The following IFNGR1 variants were observed in gnomAD, a reference collection of about 807,000 sequenced individuals.
IFNGR1 encodes the protein interferon gamma receptor 1.
IFNGR1 carries 23 observed loss-of-function variants against 35.4 expected under a neutral mutation model. That is an observed-to-expected ratio of 0.65 (90% CI 0.47 to 0.92). IFNGR1 has a LOEUF of 0.92. Ranked by LOEUF, IFNGR1 falls within the 40% of genes least tolerant of loss-of-function variation. The pLI, the probability that IFNGR1 is intolerant of heterozygous loss-of-function variation, is 0.00. For synonymous variants in IFNGR1, 199 were observed against 209.5 expected (o/e 0.95, Z 0.43); for missense variants, 533 against 583.4 (o/e 0.91, Z 0.89).
At chr6:137,199,396 T>TATATAATTTATAATATATTATATAAAC (rs1562283087) in intron 6 of IFNGR1, among the ~76,000 whole-genome samples, 1 of 124,630 alleles carries the variant, frequency 8.0e-6, no homozygotes, top group Non-Finnish European at 1.6e-5. Context: ...TTACATAAAA[T>TATATAATTTATAATATATTATATAAAC]ATATAATTTA....
chr6:137,207,806 C>A (rs1164372788), intron 1 of IFNGR1, among the ~76,000 whole-genome samples: 1 of 152,110 alleles, frequency 6.6e-6, no homozygotes, highest in African/African-American at 2.4e-5. Flanking sequence ...AGGACTAATA[C>A]AGTAAATTGG....
intron 1 of IFNGR1, among the ~76,000 whole-genome samples, chr6:137,215,650 G>A (rs1779677571): frequency 6.6e-6 from 1 of 152,068 alleles, no homozygotes; most frequent in African/African-American, 2.4e-5. Flanking sequence ...GCCAAATTTT[G>A]TAAGATAGCT....
chr6:137,210,253 G>C (rs888283389), intron 1 of IFNGR1, among the ~76,000 whole-genome samples: 2 of 151,816 alleles, frequency 1.3e-5, no homozygotes, highest in African/African-American at 4.8e-5. Flanking sequence ...GAGCCCAGGA[G>C]GTCAAGGCTG....
At chr6:137,204,971 T>C (rs550533102) in intron 3 of IFNGR1, among the ~76,000 whole-genome samples, 2 of 152,334 alleles carry the variant, frequency 1.3e-5, no homozygotes, top group African/African-American at 4.8e-5. Flanking sequence ...ATTTATTAGG[T>C]CTTTGATGTT....
chr6:137,204,576 C>T, intron 3 of IFNGR1, 72 bp from the exon 4 acceptor site: 2 of 1,215,246 alleles, frequency 1.6e-6, no homozygotes, highest in Non-Finnish European at 2.4e-6. Flanking sequence ...ATAAAATTAC[C>T]AGAATCTATC....
In IFNGR1 at chr6:137,219,168, G is replaced by T. The variant is rs1298664446; in HGVS notation, c.85+75C>A. ...GGGCGACCTCGGAGAAGCGGGGCGG[G>T]GCTTCCCGGCTGGGGCGGATCCCTC... On this transcript the variant is annotated intron_variant, in intron 1 of 6. Coordinates refer to ENST00000367739, the MANE Select transcript of IFNGR1 (RefSeq NM_000416.3). 2.0e-6 allele frequency: 3 copies of T among 1,534,698 alleles called. No individual in the cohort carries two copies. In the Admixed American group the frequency reaches 5.9e-5, roughly 30 times the overall value.
Position 137,198,592 on chromosome 6 carries a change from T to C in IFNGR1, c.909A>G (p.Lys303=), listed in dbSNP as rs1582627660. ...SATLETKPES[K]YVSLITSYQP... is the part of the protein sequence containing the mutation. ...GGTATGACGTGATGAGTGATACATA[T>C]TTTGATTCAGGTTTTGTCTCTAAAG... Residue 303 remains lysine (K), a synonymous_variant, in exon 7 of 7, where the codon AAA becomes AAG. Transcript: ENST00000367739. The C allele has an allele frequency of 6.2e-7, 1 of 1,613,808 alleles. No homozygotes were observed. The highest frequency in any genetic ancestry group is 8.5e-7 in the Non-Finnish European group (1 of 1,179,930).
rs1314592282 is a variant in IFNGR1 at position 137,206,971 on chromosome 6, C to A, written c.192G>T (p.Lys64Asn). The change falls in exon 2 of 7, where the codon AAG becomes AAT. Residue 64 changes from lysine to asparagine, a missense_variant. By Grantham distance (94) the Lys-to-Asn change is moderately conservative. Coordinates refer to ENST00000367739, the MANE Select transcript of IFNGR1 (RefSeq NM_000416.3). ...AAAAGAGTGACACTCACCCATAGTT[C>A]TTTACCTCTACGGTAAAAACAGGGA... ...PQVPVFTVEV[K>N]NYGVKNSEWI... 1 of 1,602,042 alleles carries A rather than the reference C, an allele frequency of 6.2e-7. No individual in the cohort carries two copies. Among genetic ancestry groups the A allele is most frequent in the Non-Finnish European group, 8.6e-7 (1 of 1,169,046 alleles).
In IFNGR1 at chr6:137,203,982, T is replaced by A. The variant is rs570300609; in HGVS notation, c.547-297A>T. Among the ~76,000 whole-genome samples, 4 of 152,270 alleles carry A rather than the reference T, an allele frequency of 2.6e-5. No individual in the cohort carries two copies. The South Asian group carries it at 8.3e-4, about 32-fold the overall frequency. ...TTGTCCTATTCATTTGTCCAGAAAT[T>A]TAGCTGGTGGGAAACAGAAGTATTA... On this transcript the variant is annotated intron_variant, in intron 4 of 6. Transcript: ENST00000367739.
Position 137,205,633 on chromosome 6 carries a change from G to A in IFNGR1, c.373+503C>T, listed in dbSNP as rs138050528. Among the ~76,000 whole-genome samples the A allele has an allele frequency of 2.1e-3, 327 of 152,272 alleles. 2 individuals carry two copies. The highest frequency in any genetic ancestry group is 6.9e-3 in the African/African-American group (288 of 41,558). Reference sequence around the variant, plus strand: ...CTTACAAATGAATGACAAAAGATGGGAAGGGCAAGGGTGGTGCAGGGGACC... The same window carrying A: ...CTTACAAATGAATGACAAAAGATGGAAAGGGCAAGGGTGGTGCAGGGGACC... On this transcript the variant is annotated intron_variant, in intron 3 of 6. Coordinates refer to ENST00000367739, the MANE Select transcript of IFNGR1 (RefSeq NM_000416.3).
At position 137,219,258 on chromosome 6, in the gene IFNGR1, G is replaced by C; in HGVS notation, c.70C>G (p.Leu24Val). 1.2e-6 allele frequency: 2 copies of C among 1,611,184 alleles called. No individual in the cohort carries two copies. Residue 24 changes from leucine (L) to valine (V), a missense_variant, in exon 1 of 7, where the codon CTG (leucine) becomes GTG (valine). By Grantham distance (32) the Leu-to-Val change is conservative. Transcript: ENST00000367739. ...ACGACGGTACCTGAGGACGGCCCCA[G>C]ATCCGCGGTGCCCATCTCAGCCCTG... ...VSRAEMGTAD[L>V]GPSSVPTPTN...
intron 1 of IFNGR1, chr6:137,218,615 G>A (rs1268457261): frequency 6.6e-6 from 4 of 610,384 alleles, no homozygotes; most frequent in Non-Finnish European, 9.8e-6. Context: ...CGCTAAGAAA[G>A]AAGTATTTAA....
chr6:137,207,012 G>A lies in IFNGR1; in HGVS notation c.151C>T (p.Gln51Ter). The A allele has an allele frequency of 6.2e-7, 1 of 1,613,792 alleles. No homozygotes were observed. The highest frequency in any genetic ancestry group is 1.1e-5 in the South Asian group (1 of 91,072). The change falls in exon 2 of 7, where the codon CAG becomes TAG. Residue 51 changes from glutamine (Q) to a stop codon, truncating the protein, a stop_gained. Coordinates refer to ENST00000367739, the MANE Select transcript of IFNGR1 (RefSeq NM_000416.3). LOFTEE classifies it high-confidence loss of function. Reference sequence around the variant, plus strand: ...AAAACAGGGACCTGTGGCATGATCTGGTACTCCCAATATACGATAGGGTTC... The same window carrying A: ...AAAACAGGGACCTGTGGCATGATCTAGTACTCCCAATATACGATAGGGTTC... ...NMNPIVYWEY[Q>*]IMPQVPVFTV...
intron 6 of IFNGR1, among the ~76,000 whole-genome samples, chr6:137,200,002 AG>A (rs1470306372): frequency 6.6e-6 from 1 of 152,102 alleles, no homozygotes; most frequent in African/African-American, 2.4e-5. Flanking sequence ...TACCAGGGCT[AG>A]ATTACTTTTC....
chr6:137,204,288 T>G, intron 4 of IFNGR1, 44 bp downstream of exon 4: 2 of 1,531,186 alleles, frequency 1.3e-6, no homozygotes, highest in Non-Finnish European at 9.1e-7. Flanking sequence ...CAACTTTTGC[T>G]AGCTACACAA....
At chr6:137,212,566 TTTTTAATTATA>T (rs1402283313) in intron 1 of IFNGR1, among the ~76,000 whole-genome samples, 2 of 152,342 alleles carry the variant, frequency 1.3e-5, no homozygotes, top group African/African-American at 4.8e-5. Context: ...TAAGGCTCTC[TTTTTAATTATA>T]CCCAGTAGGA....
Position 137,198,621 on chromosome 6 carries a change from C to T in IFNGR1, c.880G>A (p.Ala294Thr). The change falls in exon 7 of 7, where the codon GCT becomes ACT. Residue 294 changes from alanine (A) to threonine (T), a missense_variant. Physicochemically the swap from Ala to Thr is moderately conservative, Grantham distance 58. Coordinates refer to ENST00000367739, the MANE Select transcript of IFNGR1 (RefSeq NM_000416.3). Reference protein sequence around the residue: ...PKSLISVVRSATLETKPESKY... With the variant: ...PKSLISVVRSTTLETKPESKY... ...GATTCAGGTTTTGTCTCTAAAGTAG[C>T]ACTTCTTACCACAGAGATCTATGGG... 2 of 1,611,618 alleles carry T rather than the reference C, an allele frequency of 1.2e-6. No homozygotes were observed. The highest frequency in any genetic ancestry group is 1.7e-6 in the Non-Finnish European group (2 of 1,179,570).
intron 1 of IFNGR1, among the ~76,000 whole-genome samples, chr6:137,215,927 G>C (rs1779685647): frequency 1.3e-5 from 2 of 152,118 alleles, no homozygotes; most frequent in African/African-American, 4.8e-5. Flanking sequence ...GCCCAGGCTG[G>C]TCTTGAACTT....
At chr6:137,207,415 A>T (rs1779464092) in intron 1 of IFNGR1, among the ~76,000 whole-genome samples, 1 of 152,218 alleles carries the variant, frequency 6.6e-6, no homozygotes, top group Non-Finnish European at 1.5e-5. Flanking sequence ...TTTCATCACT[A>T]GAATTTTCAA....
Sources: gnomAD v4.1 joint callset for allele counts (sites outside exome capture counted in the v4.1 genomes callset) on GRCh38, gnomAD v4.1.1 for gene constraint, MANE v1.5 for transcripts, NCBI Gene and HGNC (gene_info 2026-07-23, HGNC 2026-07-21) for gene names.